Variants in PCDHGA2 observed in about 807,000 individuals in gnomAD.
The protein encoded by PCDHGA2 is protocadherin gamma subfamily A, 2, also known as protocadherin gamma-A2.
A neutral mutation model predicts 59.2 loss-of-function variants in PCDHGA2; 40 were observed. The observed-to-expected ratio is 0.68, with a 90% CI of 0.52 to 0.88. The LOEUF (loss-of-function observed/expected upper bound fraction) is 0.88, where lower values mean the gene tolerates loss of function less well. PCDHGA2 is among the 40% of genes least tolerant of loss of function. PCDHGA2 has a pLI of 0.00. For missense variants in PCDHGA2, 1,226 were observed against 1,204.0 expected, an observed-to-expected ratio of 1.02 and a Z score of -0.27; for synonymous variants, 560 against 526.0, an observed-to-expected ratio of 1.06 and a Z score of -0.89.
At chr5:141,478,408 G>C in intron 1 of PCDHGA2, 1 of 1,613,340 alleles carries the variant, frequency 6.2e-7, no homozygotes, top group Non-Finnish European at 8.5e-7. Flanking sequence ...ATCTCACCAC[G>C]GACTCCCGCC....
rs1023379892 is a variant in PCDHGA2 at position 141,475,927 on chromosome 5, G to T, written c.2425-18880G>T. 1.3e-4 allele frequency: 80 copies of T among 628,362 alleles called. No individual in the cohort carries two copies. In the African/African-American group the frequency reaches 1.4e-3, roughly 11 times the overall value. The allele number at this position is 628,362 out of a possible 1,614,324, so 38.9% of individuals were successfully genotyped here. ...CGGCCAATGAAGACGCTGGAGATCG[G>T]GCCCCTGCCCGTCCCCTTTCTGCGC... On this transcript the variant is annotated intron_variant, in intron 1 of 3. Coordinates refer to ENST00000394576, the MANE Select transcript of PCDHGA2 (RefSeq NM_018915.4).
At chr5:141,384,442 T>G in intron 1 of PCDHGA2, 15 of 1,614,046 alleles carry the variant, frequency 9.3e-6, no homozygotes, top group Non-Finnish European at 1.3e-5. Context: ...TGGAGTCCTG[T>G]ACGCGCTGCA....
intron 1 of PCDHGA2, chr5:141,427,665 G>A (rs763897261): frequency 1.3e-5 from 10 of 782,298 alleles, no homozygotes; most frequent in Admixed American, 3.9e-5. Flanking sequence ...CCACGTGGCC[G>A]AAAACAACCT....
At chr5:141,347,125 T>C (rs1757875813) in intron 1 of PCDHGA2, among the ~76,000 whole-genome samples, 1 of 137,678 alleles carries the variant, frequency 7.3e-6, no homozygotes. Context: ...CTTCCTTCCT[T>C]CCTCTGTTTC....
intron 1 of PCDHGA2, chr5:141,371,436 A>C: frequency 6.2e-7 from 1 of 1,613,990 alleles, no homozygotes; most frequent in Non-Finnish European, 8.5e-7. Flanking sequence ...CCCGGAGATA[A>C]CCCTGGCTTC....
chr5:141,503,598 CAAAAA>C (rs765754054), intron 2 of PCDHGA2, among the ~76,000 whole-genome samples: 1 of 65,760 alleles, frequency 1.5e-5, no homozygotes, highest in African/African-American at 4.7e-5. Context: ...GACTCCAGCT[CAAAAA>C]AAAAAAAAAA....
At chr5:141,344,415 G>A (rs1757415188) in intron 1 of PCDHGA2, 2 of 1,612,288 alleles carry the variant, frequency 1.2e-6, no homozygotes, top group Non-Finnish European at 1.7e-6. Flanking sequence ...AGATATTAAT[G>A]ATAATGCTCC....
At position 141,371,889 on chromosome 5, in the gene PCDHGA2, C is replaced by T. The variant is rs778087129; in HGVS notation, c.2424+30494C>T. 5 of 1,613,316 alleles carry T rather than the reference C, an allele frequency of 3.1e-6. No individual in the cohort carries two copies. The East Asian group carries it at 6.7e-5, about 22-fold the overall frequency. On this transcript the variant is annotated intron_variant, in intron 1 of 3. Coordinates refer to ENST00000394576, the MANE Select transcript of PCDHGA2 (RefSeq NM_018915.4). ...CATCGTGGCCAGTGACCTGGAGCCG[C>T]GGGAGCTGTCGTCCTACGTGTCCGT...
chr5:141,449,300 T>C (rs2098635283), intron 1 of PCDHGA2, among the ~76,000 whole-genome samples: 1 of 152,090 alleles, frequency 6.6e-6, no homozygotes, highest in Non-Finnish European at 1.5e-5. Flanking sequence ...GGGTGAATTA[T>C]ATGTATTATA....
intron 1 of PCDHGA2, chr5:141,361,522 G>A: frequency 1.2e-6 from 2 of 1,614,054 alleles, no homozygotes; most frequent in Non-Finnish European, 1.7e-6. Flanking sequence ...TCACGTGGCA[G>A]AGAACAATCC....
chr5:141,361,460 TCTC>T, intron 1 of PCDHGA2: 1 of 1,613,974 alleles, frequency 6.2e-7, no homozygotes, highest in East Asian at 2.2e-5. Flanking sequence ...ACCCTGCACA[TCTC>T]CGACGTCAAC....
At chr5:141,365,645 C>G in intron 1 of PCDHGA2, 1 of 1,613,572 alleles carries the variant, frequency 6.2e-7, no homozygotes, top group East Asian at 2.2e-5. Flanking sequence ...AAGCCACATC[C>G]CCTTGAAAGT....
At chr5:141,495,089 C>G (rs1440289878) in intron 2 of PCDHGA2, among the ~76,000 whole-genome samples, 2 of 152,284 alleles carry the variant, frequency 1.3e-5, no homozygotes, top group East Asian at 3.9e-4. Flanking sequence ...TGCCCCTTCC[C>G]TCCTCGCCAC....
At chr5:141,498,467 G>C (rs535351060) in intron 2 of PCDHGA2, among the ~76,000 whole-genome samples, 1 of 152,116 alleles carries the variant, frequency 6.6e-6, no homozygotes, top group East Asian at 1.9e-4. Context: ...GTCTAACCCT[G>C]GTTCCAGCCT....
At chr5:141,399,532 C>G (rs552966531) in intron 1 of PCDHGA2, 28 of 1,614,066 alleles carry the variant, frequency 1.7e-5, no homozygotes, top group Non-Finnish European at 2.2e-5. Flanking sequence ...CTCCATCGCG[C>G]AAGTCTGCGC....
chr5:141,370,216 C>A, intron 1 of PCDHGA2: 1 of 567,976 alleles, frequency 1.8e-6, no homozygotes, highest in Non-Finnish European at 3.0e-6. Context: ...TGGCTCCTCC[C>A]GCTGCAGCCA....
intron 1 of PCDHGA2, chr5:141,350,513 G>C (rs750772635): frequency 1.9e-6 from 3 of 1,613,874 alleles, no homozygotes; most frequent in South Asian, 2.2e-5. Context: ...GTTAGTGAAC[G>C]GTAGGATAGA....
Position 141,493,891 on chromosome 5 carries a change from G to A in PCDHGA2, c.2425-916G>A, listed in dbSNP as rs1595204910. On this transcript the variant is annotated intron_variant, in intron 1 of 3. Transcript: ENST00000394576. The surrounding 1 kb of genome is among the most constrained non-coding windows in gnomAD (Gnocchi z 4.3). ...CCAGTGAGGAGGTGGCTCTAGGAGT[G>A]CTCCATGAGAGTGTGTGATGGGATA... Among the ~76,000 whole-genome samples, 1 of 152,300 alleles carries A rather than the reference G, an allele frequency of 6.6e-6. No homozygotes were observed. The highest frequency in any genetic ancestry group is 1.5e-5 in the Non-Finnish European group (1 of 68,018).
intron 1 of PCDHGA2, chr5:141,433,291 T>C: frequency 9.1e-7 from 1 of 1,094,048 alleles, no homozygotes; most frequent in Non-Finnish European, 1.3e-6. Context: ...ACTCCTAGGC[T>C]CAAGCAATTA....
Sources: gnomAD v4.1 joint callset for allele counts (sites outside exome capture counted in the v4.1 genomes callset) on GRCh38, gnomAD v4.1.1 for gene constraint, Gnocchi (gnomAD v3.1) non-coding constraint, MANE v1.5 for transcripts, NCBI Gene and HGNC (gene_info 2026-07-23, HGNC 2026-07-21) for gene names.